Variants in ATG7 observed in about 807,000 individuals in gnomAD.
The protein encoded by ATG7 is ubiquitin-like modifier-activating enzyme ATG7.
ATG7 carries 70 observed loss-of-function variants against 82.4 expected under a neutral mutation model. That is an observed-to-expected ratio of 0.85 (90% CI 0.70 to 1.04). ATG7 has a LOEUF of 1.04. ATG7 is among the 50% of genes least tolerant of loss of function. The pLI is 0.00. For missense variants in ATG7, 792 were observed against 864.3 expected (o/e 0.92, Z 1.05); for synonymous variants, 287 against 313.0 (o/e 0.92, Z 0.88).
At chr3:11,534,241 C>G (rs541360004) in intron 20 of ATG7, among the ~76,000 whole-genome samples, 1 of 152,254 alleles carries the variant, frequency 6.6e-6, no homozygotes, top group South Asian at 2.1e-4. Context: ...CTCCCAGAGT[C>G]TTAGCACTGT....
At chr3:11,490,538 C>T (rs1316054559) in intron 20 of ATG7, among the ~76,000 whole-genome samples, 5 of 152,104 alleles carry the variant, frequency 3.3e-5, no homozygotes, top group Admixed American at 6.5e-5. Flanking sequence ...TTATTTTGCT[C>T]GTTAGTTGAT....
At position 11,307,287 on chromosome 3, in the gene ATG7, T is replaced by C. The variant is rs57039426; in HGVS notation, c.333+227T>C. On this transcript the variant is annotated intron_variant, in intron 6 of 20. Coordinates refer to ENST00000693202, the MANE Select transcript of ATG7 (RefSeq NM_001349232.2). ...ATCCAGGCTCTCACCTGGGATAGGC[T>C]GGAAATAACATGGCAGGGCAGAGGT... 6.3e-3 allele frequency among the ~76,000 whole-genome samples: 953 copies of C among 152,336 alleles called. 7 individuals carry two copies. Among genetic ancestry groups the C allele is most frequent in the African/African-American group, 0.022 (914 of 41,570 alleles).
downstream of ATG7, among the ~76,000 whole-genome samples, chr3:11,561,528 G>A (rs1179244522): frequency 6.6e-6 from 1 of 152,156 alleles, no homozygotes; most frequent in African/African-American, 2.4e-5. Context: ...CGTGGGACTG[G>A]CTCCACCACC....
chr3:11,450,816 A>G, intron 20 of ATG7, among the ~76,000 whole-genome samples: 1 of 151,918 alleles, frequency 6.6e-6, no homozygotes, highest in East Asian at 1.9e-4. Flanking sequence ...TTCTGATACC[A>G]CTCCCTTGTC....
intron 20 of ATG7, among the ~76,000 whole-genome samples, chr3:11,467,817 C>T (rs2086993256): frequency 6.6e-6 from 1 of 152,200 alleles, no homozygotes; most frequent in Non-Finnish European, 1.5e-5. Flanking sequence ...GTCTTATTTA[C>T]TGCTTTATAT....
At position 11,467,944 on chromosome 3, in the gene ATG7, T is replaced by C. The variant is rs2087006935; in HGVS notation, c.2079+41018T>C. ...TTCCTCCCCCAGTGTCATGGCTAAA[T>C]TTATATACAGTAGCTGACTTGGAAA... is the stretch of plus-strand genomic sequence containing the variant. On this transcript the variant is annotated intron_variant, in intron 20 of 20. Coordinates refer to ENST00000693202, the MANE Select transcript of ATG7 (RefSeq NM_001349232.2). Among the ~76,000 whole-genome samples the C allele has an allele frequency of 3.3e-5, 5 of 152,216 alleles. No individual in the cohort carries two copies. In the South Asian group the frequency reaches 1.0e-3, roughly 31 times the overall value.
chr3:11,481,643 C>T (rs1008829373), intron 20 of ATG7, among the ~76,000 whole-genome samples: 14 of 152,172 alleles, frequency 9.2e-5, no homozygotes, highest in Non-Finnish European at 1.6e-4. Context: ...TGGGTTGGGC[C>T]TTGGACTTAA....
downstream of ATG7, among the ~76,000 whole-genome samples, chr3:11,561,313 G>A (rs779172887): frequency 2.0e-5 from 3 of 152,082 alleles, no homozygotes; most frequent in Non-Finnish European, 2.9e-5. Context: ...ATCCAAGGCA[G>A]GAAAGGCCAC....
At chr3:11,351,455 G>C (rs1485138551) in intron 14 of ATG7, among the ~76,000 whole-genome samples, 1 of 152,180 alleles carries the variant, frequency 6.6e-6, no homozygotes, top group African/African-American at 2.4e-5. Flanking sequence ...TGGTACTTTT[G>C]TGGAACTGAA....
chr3:11,406,673 C>T (rs140050179), intron 19 of ATG7, among the ~76,000 whole-genome samples: 2,076 of 152,270 alleles, frequency 0.014, 19 homozygotes, highest in Non-Finnish European at 0.02. Context: ...GGGGAGGCCT[C>T]ACAATCCTGG....
intron 20 of ATG7, among the ~76,000 whole-genome samples, chr3:11,496,743 G>T (rs1180656351): frequency 6.6e-6 from 1 of 151,954 alleles, no homozygotes; most frequent in African/African-American, 2.4e-5. Flanking sequence ...TAATTCTGTG[G>T]GATGTATTAT....
At chr3:11,417,800 A>ATTTTTTTTTTTTT (rs1314378737) in intron 19 of ATG7, among the ~76,000 whole-genome samples, 13 of 109,358 alleles carry the variant, frequency 1.2e-4, no homozygotes, top group Non-Finnish European at 1.9e-4. Flanking sequence ...TATTATTATT[A>ATTTTTTTTTTTTT]TTTTATTTTA....
At chr3:11,357,844 A>C (rs184888896) in intron 14 of ATG7, among the ~76,000 whole-genome samples, 2 of 151,918 alleles carry the variant, frequency 1.3e-5, no homozygotes, top group African/African-American at 4.8e-5. Context: ...ACCTATCTCT[A>C]CTAAAAATTA....
intron 20 of ATG7, among the ~76,000 whole-genome samples, chr3:11,506,217 A>G (rs79785758): frequency 0.011 from 1,694 of 152,310 alleles, 38 homozygotes; most frequent in African/African-American, 0.039. Flanking sequence ...AGAATATCAC[A>G]GTTTAAACAT....
intron 20 of ATG7, among the ~76,000 whole-genome samples, chr3:11,551,147 G>A (rs537022113): frequency 3.9e-5 from 6 of 152,202 alleles, no homozygotes; most frequent in African/African-American, 9.6e-5. Context: ...TGGTCTTCTC[G>A]TTTCTGTACT....
intron 20 of ATG7, among the ~76,000 whole-genome samples, chr3:11,479,497 C>G (rs940838696): frequency 6.6e-6 from 1 of 152,078 alleles, no homozygotes; most frequent in African/African-American, 2.4e-5. Flanking sequence ...AGATATTGAC[C>G]GATCCCCTCT....
At chr3:11,472,426 A>G (rs1027808516) in intron 20 of ATG7, among the ~76,000 whole-genome samples, 7 of 148,722 alleles carry the variant, frequency 4.7e-5, no homozygotes, top group Admixed American at 1.3e-4. Flanking sequence ...CCCTGTCACT[A>G]TGGTAGAGGA....
intron 20 of ATG7, among the ~76,000 whole-genome samples, chr3:11,509,429 C>T (rs1402198235): frequency 1.3e-5 from 2 of 151,704 alleles, no homozygotes; most frequent in Non-Finnish European, 2.9e-5. Flanking sequence ...TTGTGAGCTC[C>T]TGATGGCCAG....
downstream of ATG7, chr3:11,559,506 A>G: frequency 6.7e-7 from 1 of 1,497,106 alleles, no homozygotes; most frequent in East Asian, 2.5e-5. Flanking sequence ...AGTACCGGGC[A>G]CCACCCCTGG....
Sources: gnomAD v4.1 joint callset for allele counts (sites outside exome capture counted in the v4.1 genomes callset) on GRCh38, gnomAD v4.1.1 for gene constraint, MANE v1.5 for transcripts, NCBI Gene and HGNC (gene_info 2026-07-23, HGNC 2026-07-21) for gene names.